TFDP2: variants seen among roughly 807,000 people sequenced by gnomAD.
TFDP2 encodes transcription factor Dp-2.
TFDP2 carries 17 observed loss-of-function variants against 59.3 expected under a neutral mutation model. The observed-to-expected ratio is 0.29, with a 90% CI of 0.20 to 0.43. The LOEUF (loss-of-function observed/expected upper bound fraction) is 0.43, where lower values mean the gene tolerates loss of function less well. Among genes scored for constraint, TFDP2 ranks in the 20% least tolerant of loss-of-function variants. The pLI is 1.00. For missense variants in TFDP2, 391 were observed against 528.8 expected, an observed-to-expected ratio of 0.74 and a Z score of 2.56; for synonymous variants, 180 against 194.7, an observed-to-expected ratio of 0.92 and a Z score of 0.63.
chr3:142,130,467 G>A (rs537813923), intron 1 of TFDP2, among the ~76,000 whole-genome samples: 1 of 150,296 alleles, frequency 6.7e-6, no homozygotes, highest in Admixed American at 6.6e-5. Context: ...TTGTTTGTTT[G>A]TTTTTTTACC....
chr3:142,101,734 C>G lies in TFDP2; in HGVS notation c.15+1G>C. 2 of 1,361,404 alleles carry G rather than the reference C, an allele frequency of 1.5e-6. No individual in the cohort carries two copies. The highest frequency in any genetic ancestry group is 1.9e-6 in the Non-Finnish European group (2 of 1,026,644). The allele number at this position is 1,361,404 out of a possible 1,614,324, so 84.3% of individuals were successfully genotyped here. A position where few individuals can be genotyped will look rare whatever the true frequency, so the allele number is the denominator to read the frequency against. ...ACATTAAAAAATTTACAAATACTTA[C>G]ATTTTTTGCCGTCATGTCAAACTGT... On this transcript the variant is annotated splice_donor_variant, in intron 2 of 12. Transcript: ENST00000489671. LOFTEE classifies it high-confidence loss of function.
At chr3:141,965,739 G>A (rs961669148) in intron 9 of TFDP2, among the ~76,000 whole-genome samples, 2 of 151,982 alleles carry the variant, frequency 1.3e-5, no homozygotes, top group African/African-American at 4.9e-5. Context: ...CCAATTTATT[G>A]TAGACCTAAG....
intron 5 of TFDP2, 93 bp from the exon 6 acceptor site, chr3:141,993,678 A>G (rs1943005107): frequency 1.5e-6 from 1 of 663,302 alleles, no homozygotes; most frequent in Non-Finnish European, 2.5e-6. Flanking sequence ...AAAATTATAC[A>G]CTGAATATAT....
At chr3:141,980,472 G>A (rs1200938832) in intron 6 of TFDP2, among the ~76,000 whole-genome samples, 5 of 151,678 alleles carry the variant, frequency 3.3e-5, no homozygotes, top group East Asian at 1.9e-4. Flanking sequence ...GCAACCTATT[G>A]TACTACCAAA....
chr3:142,040,871 T>C (rs1055041175), intron 3 of TFDP2, among the ~76,000 whole-genome samples: 2 of 152,036 alleles, frequency 1.3e-5, no homozygotes, highest in African/African-American at 4.8e-5. Context: ...AACACTACAC[T>C]GCAGCCTGGA....
intron 4 of TFDP2, among the ~76,000 whole-genome samples, chr3:141,997,094 C>T (rs958829839): frequency 2.6e-5 from 4 of 152,164 alleles, no homozygotes; most frequent in Non-Finnish European, 2.9e-5. Context: ...TCAGTGCATC[C>T]CCCATTTCAG....
At chr3:141,993,448 A>G in intron 6 of TFDP2, 90 bp downstream of exon 6, 1 of 757,098 alleles carries the variant, frequency 1.3e-6, no homozygotes, top group Non-Finnish European at 2.1e-6. Context: ...ACATGAAGAA[A>G]AACATCGCAT....
chr3:142,111,727 T>C (rs925541004), intron 1 of TFDP2, among the ~76,000 whole-genome samples: 2 of 151,876 alleles, frequency 1.3e-5, no homozygotes, highest in Admixed American at 6.6e-5. Flanking sequence ...TGCTAAGAGA[T>C]GAGGTAGGAA....
intron 3 of TFDP2, among the ~76,000 whole-genome samples, chr3:142,026,920 C>G (rs987238406): frequency 6.6e-6 from 1 of 152,242 alleles, no homozygotes; most frequent in Admixed American, 6.5e-5. Context: ...TTCAATTAAA[C>G]CCAAAATATT....
chr3:142,058,407 T>C (rs751919924), intron 3 of TFDP2, among the ~76,000 whole-genome samples: 3 of 151,850 alleles, frequency 2.0e-5, no homozygotes, highest in South Asian at 4.2e-4. Flanking sequence ...ACAATTTTGA[T>C]AGTAACTACC....
At chr3:141,988,235 C>T (rs568780718) in intron 6 of TFDP2, among the ~76,000 whole-genome samples, 10 of 152,296 alleles carry the variant, frequency 6.6e-5, no homozygotes, top group African/African-American at 2.4e-4. Flanking sequence ...CGTGAGCCAC[C>T]GTGCCTGGCC....
In TFDP2 at chr3:142,121,106, A is replaced by G. The variant is rs2062029699; in HGVS notation, c.-92-19265T>C. Among the ~76,000 whole-genome samples, 1 of 152,106 alleles carries G rather than the reference A, an allele frequency of 6.6e-6. No individual in the cohort carries two copies. Among genetic ancestry groups the G allele is most frequent in the Admixed American group, 6.5e-5 (1 of 15,270 alleles). ...TGTGTGTGCCAGCTTTAAGGTATGG[A>G]TATTCACCAGGGAGATTTGTGAAAG... On this transcript the variant is annotated intron_variant, in intron 1 of 12. Coordinates refer to ENST00000489671, the MANE Select transcript of TFDP2 (RefSeq NM_001178139.2). The surrounding 1 kb of genome is among the most constrained non-coding windows in gnomAD (Gnocchi z 4.3).
chr3:142,099,034 T>TG (rs2061246873), intron 2 of TFDP2, among the ~76,000 whole-genome samples: 1 of 152,206 alleles, frequency 6.6e-6, no homozygotes, highest in East Asian at 1.9e-4. Flanking sequence ...AAAAAACTGT[T>TG]GTCATCAGAG....
intron 1 of TFDP2, among the ~76,000 whole-genome samples, chr3:142,132,003 CAA>C (rs56004449): frequency 0.12 from 10,329 of 83,140 alleles, 346 homozygotes; most frequent in Middle Eastern, 0.21. Context: ...GACTCCGTCT[CAA>C]AAAAAAAAAA....
intron 3 of TFDP2, among the ~76,000 whole-genome samples, chr3:142,072,545 A>C (rs972985035): frequency 6.6e-6 from 1 of 152,216 alleles, no homozygotes; most frequent in Non-Finnish European, 1.5e-5. Context: ...CAAGGAATCC[A>C]TACTCTGGAA....
In TFDP2 at chr3:141,947,213, G is replaced by C. The variant is rs1334390868; in HGVS notation, c.*5300C>G. The C allele has an allele frequency of 6.6e-6, 1 of 152,164 alleles. No individual in the cohort carries two copies. The highest frequency in any genetic ancestry group is 1.5e-5 in the Non-Finnish European group (1 of 68,036). 9.4% of individuals were successfully genotyped at this position (152,164 alleles called of 1,614,324 possible). On this transcript the variant is annotated 3_prime_UTR_variant, in exon 13 of 13. Coordinates refer to ENST00000489671, the MANE Select transcript of TFDP2 (RefSeq NM_001178139.2). ...TACATAGTGTGGGTCTTTGGGAAAT[G>C]CATATTAGTTTTCATCAGTGCTTGG...
chr3:141,985,069 G>A (rs374404755), intron 6 of TFDP2, among the ~76,000 whole-genome samples: 1 of 151,822 alleles, frequency 6.6e-6, no homozygotes, highest in South Asian at 2.1e-4. Flanking sequence ...GAATAGGTAT[G>A]CCTTTTCTTG....
At chr3:142,009,724 AAAAG>A (rs1944502834) in intron 3 of TFDP2, among the ~76,000 whole-genome samples, 1 of 150,468 alleles carries the variant, frequency 6.6e-6, no homozygotes, top group Non-Finnish European at 1.5e-5. Flanking sequence ...AAAAAAAAAA[AAAAG>A]AAAGAAAAAG....
At chr3:142,063,504 T>G (rs2059982597) in intron 3 of TFDP2, among the ~76,000 whole-genome samples, 1 of 152,260 alleles carries the variant, frequency 6.6e-6, no homozygotes. Context: ...CTGCTCTTTA[T>G]AATAAACATC....
Sources: gnomAD v4.1 joint callset for allele counts (sites outside exome capture counted in the v4.1 genomes callset) on GRCh38, gnomAD v4.1.1 for gene constraint, Gnocchi (gnomAD v3.1) non-coding constraint, MANE v1.5 for transcripts, NCBI Gene and HGNC (gene_info 2026-07-23, HGNC 2026-07-21) for gene names.